Variants in TMBIM1 observed in about 807,000 individuals in gnomAD.
TMBIM1 encodes the protein transmembrane BAX inhibitor motif containing 1.
Under a neutral mutation model 45.1 loss-of-function variants are expected in TMBIM1, and 34 were observed. The ratio of observed to expected loss-of-function variants is 0.75; its 90% confidence interval spans 0.57 to 1.00. TMBIM1 has a LOEUF of 1.00. TMBIM1 is among the 50% of genes least tolerant of loss of function. TMBIM1 has a pLI of 0.00. For synonymous variants in TMBIM1, 157 were observed against 153.5 expected (o/e 1.02, Z -0.17); for missense variants, 374 against 402.4 (o/e 0.93, Z 0.60).
At chr2:218,278,940 A>G in intron 5 of TMBIM1, 98 bp downstream of exon 5, 1 of 1,463,268 alleles carries the variant, frequency 6.8e-7, no homozygotes, top group Non-Finnish European at 9.4e-7. Flanking sequence ...GGCCCTCTCA[A>G]AAAGCATTTT....
chr2:218,278,945 C>T, intron 5 of TMBIM1, 93 bp downstream of exon 5: 2 of 1,486,920 alleles, frequency 1.3e-6, no homozygotes, highest in East Asian at 4.6e-5. Flanking sequence ...TCTCAAAAAG[C>T]ATTTTGATCC....
intron 3 of TMBIM1, 62 bp downstream of exon 3, chr2:218,279,964 C>A: frequency 7.9e-7 from 1 of 1,258,160 alleles, no homozygotes; most frequent in South Asian, 1.2e-5. Flanking sequence ...GTGGCCTACC[C>A]ACTTCCCATT....
At chr2:218,275,928 A>AT in intron 11 of TMBIM1, 98 bp downstream of exon 11, 1 of 1,415,274 alleles carries the variant, frequency 7.1e-7, no homozygotes, top group Non-Finnish European at 9.8e-7. Context: ...CTATGGCCCC[A>AT]TTCCCTGCCT....
At chr2:218,278,104 C>CG in intron 6 of TMBIM1, 130 bp from the exon 7 acceptor site, 1 of 1,071,510 alleles carries the variant, frequency 9.3e-7, no homozygotes, top group Non-Finnish European at 1.4e-6. Flanking sequence ...GGGAGGTTGG[C>CG]ATGGCCTTTG....
At chr2:218,279,016 C>A in intron 5 of TMBIM1, 22 bp downstream of exon 5, 1 of 1,613,960 alleles carries the variant, frequency 6.2e-7, no homozygotes, top group Non-Finnish European at 8.5e-7. Context: ...CCCTGCCCAA[C>A]CACAGAGGAG....
At chr2:218,281,343 GC>G (rs1691968359) in intron 2 of TMBIM1, among the ~76,000 whole-genome samples, 1 of 151,908 alleles carries the variant, frequency 6.6e-6, no homozygotes, top group African/African-American at 2.4e-5. Context: ...TGCCATGTTG[GC>G]CAGGCTGGTC....
At chr2:218,288,224 C>T (rs1407243522) in intron 1 of TMBIM1, among the ~76,000 whole-genome samples, 2 of 152,120 alleles carry the variant, frequency 1.3e-5, no homozygotes, top group Admixed American at 6.5e-5. Flanking sequence ...GTCAGGAGAT[C>T]GAGACCATCC....
At chr2:218,283,902 C>T (rs1423410116) in intron 1 of TMBIM1, 1 of 152,224 alleles carries the variant, frequency 6.6e-6, no homozygotes, top group Non-Finnish European at 1.5e-5. Flanking sequence ...TGCGGTAACT[C>T]ACGCCTGTAA....
intron 2 of TMBIM1, among the ~76,000 whole-genome samples, chr2:218,281,722 T>A (rs1469384696): frequency 6.6e-6 from 1 of 151,918 alleles, no homozygotes; most frequent in East Asian, 1.9e-4. Flanking sequence ...GCCTCATGGA[T>A]CTCCTTGAAC....
chr2:218,282,094 C>A lies in TMBIM1; in HGVS notation c.48G>T (p.Leu16=). The change falls in exon 2 of 12, where the codon CTG becomes CTT. Residue 16 remains leucine (L), a synonymous_variant. Transcript: ENST00000258412. ...APPPYEDRNP[L]YPGPPPPGGY... ...CCCCAGGGGGCGGAGGGCCTGGGTA[C>A]AGGGGGTTGCGGTCTTCATATGGTG... 6.4e-7 allele frequency: 1 copy of A among 1,573,532 alleles called. No individual in the cohort carries two copies. Among genetic ancestry groups the A allele is most frequent in the Non-Finnish European group, 8.6e-7 (1 of 1,160,666 alleles).
In TMBIM1 at chr2:218,282,086, C is replaced by G. The variant is rs1481518183; in HGVS notation, c.56G>C (p.Gly19Ala). Residue 19 changes from glycine (G) to alanine (A), a missense_variant, in exon 2 of 12, where the codon GGC (glycine) becomes GCC (alanine). By Grantham distance (60) the Gly-to-Ala change is moderately conservative. Coordinates refer to ENST00000258412, the MANE Select transcript of TMBIM1 (RefSeq NM_022152.6). ...CCCATAGCCCCCAGGGGGCGGAGGG[C>G]CTGGGTACAGGGGGTTGCGGTCTTC... ...PYEDRNPLYP[G>A]PPPPGGYGQP... is the part of the protein sequence containing the mutation. 1 of 1,587,102 alleles carries G rather than the reference C, an allele frequency of 6.3e-7. No individual in the cohort carries two copies. Among genetic ancestry groups the G allele is most frequent in the East Asian group, 2.3e-5 (1 of 43,788 alleles).
At chr2:218,283,936 G>T (rs2106220132) in intron 1 of TMBIM1, 1 of 152,322 alleles carries the variant, frequency 6.6e-6, no homozygotes, top group South Asian at 2.1e-4. Context: ...GAAGACTGAA[G>T]TGGGCAGATC....
chr2:218,276,143 C>T, intron 10 of TMBIM1, 64 bp from the exon 11 acceptor site: 1 of 1,561,042 alleles, frequency 6.4e-7, no homozygotes, highest in Admixed American at 1.8e-5. Flanking sequence ...CCACAGGCCC[C>T]AGCTTCCCCC....
At chr2:218,289,439 C>T (rs1692779047) in intron 1 of TMBIM1, among the ~76,000 whole-genome samples, 1 of 151,882 alleles carries the variant, frequency 6.6e-6, no homozygotes, top group African/African-American at 2.4e-5. Flanking sequence ...GTCAGGTGTT[C>T]GAGACCAGCC....
rs142973947 is a variant in TMBIM1 at position 218,275,680 on chromosome 2, T to C, written c.790-59A>G. The stretch of plus-strand genomic sequence containing the variant: ...AGGCATCAGTGTCCAGAGCTCATTT[T>C]TGGTCAGCAGATTTGTCTTGGGGGC... On this transcript the variant is annotated intron_variant, in intron 11 of 11. Coordinates refer to ENST00000258412, the MANE Select transcript of TMBIM1 (RefSeq NM_022152.6). 608 of 1,570,272 alleles carry C rather than the reference T, an allele frequency of 3.9e-4. 6 individuals carry two copies. The East Asian group carries it at 0.013, about 34-fold the overall frequency.
chr2:218,275,961 C>T, intron 11 of TMBIM1, 65 bp downstream of exon 11: 2 of 1,551,886 alleles, frequency 1.3e-6, no homozygotes, highest in South Asian at 1.2e-5. Context: ...AAATTCATGC[C>T]CCCTTCCCTA....
intron 1 of TMBIM1, among the ~76,000 whole-genome samples, chr2:218,292,227 TC>T (rs1459048395): frequency 6.6e-6 from 1 of 152,108 alleles, no homozygotes; most frequent in Non-Finnish European, 1.5e-5. Flanking sequence ...GCTGCTGGGC[TC>T]CCAAGGCTAA....
In TMBIM1 at chr2:218,279,072, C is replaced by T. The variant is rs751465717; in HGVS notation, c.388G>A (p.Val130Met). Residue 130 changes from valine (V) to methionine (M), a missense_variant, in exon 5 of 12, where the codon GTG becomes ATG. By Grantham distance (21) the Val-to-Met change is conservative. Coordinates refer to ENST00000258412, the MANE Select transcript of TMBIM1 (RefSeq NM_022152.6). ...TAGTAGACAGCCACATTTCTCCTCA[C>T]AAAGGCGCTGACAGGTTCCCTGTGG... is the stretch of plus-strand genomic sequence containing the variant. ...FTFVEPVSAF[V>M]RRNVAVYYVS... 1 of 1,614,050 alleles carries T rather than the reference C, an allele frequency of 6.2e-7. No individual in the cohort carries two copies.
At position 218,281,569 on chromosome 2, in the gene TMBIM1, C is replaced by T. The variant is rs137897661; in HGVS notation, c.202+371G>A. On this transcript the variant is annotated intron_variant, in intron 2 of 11. Transcript: ENST00000258412. Reference sequence around the variant, plus strand: ...AGTGGTTCAGGTTCCCAAAGGAGTTCCTAAGGAAGTCGACAGGTCTGGGAG... The same window carrying T: ...AGTGGTTCAGGTTCCCAAAGGAGTTTCTAAGGAAGTCGACAGGTCTGGGAG... Among the ~76,000 whole-genome samples, 62 of 152,338 alleles carry T rather than the reference C, an allele frequency of 4.1e-4. 2 individuals are homozygous for T. In the South Asian group the frequency reaches 7.2e-3, roughly 18 times the overall value.
Sources: gnomAD v4.1 joint callset for allele counts (sites outside exome capture counted in the v4.1 genomes callset) on GRCh38, gnomAD v4.1.1 for gene constraint, MANE v1.5 for transcripts, NCBI Gene and HGNC (gene_info 2026-07-23, HGNC 2026-07-21) for gene names.